Variants in INPP1 observed in about 807,000 individuals in gnomAD.
INPP1 encodes the protein inositol polyphosphate 1-phosphatase.
Under a neutral mutation model 23.0 loss-of-function variants are expected in INPP1, and 18 were observed. That is an observed-to-expected ratio of 0.78 (90% CI 0.54 to 1.16). The LOEUF (loss-of-function observed/expected upper bound fraction) is 1.16. Ranked by LOEUF, INPP1 falls within the 50% of genes most tolerant of loss-of-function variation. The pLI, the probability that INPP1 is intolerant of heterozygous loss-of-function variation, is 0.00. For synonymous variants in INPP1, 164 were observed against 176.3 expected (o/e 0.93, Z 0.55); for missense variants, 448 against 482.1 (o/e 0.93, Z 0.66).
At chr2:190,365,020 G>A (rs186322858) in intron 4 of INPP1, 6 of 164,948 alleles carry the variant, frequency 3.6e-5, no homozygotes, top group Non-Finnish European at 8.8e-5. Flanking sequence ...TATCTAAAAC[G>A]TTCCAAAGTG....
At chr2:190,361,475 G>A (rs1299264987) in intron 3 of INPP1, among the ~76,000 whole-genome samples, 3 of 152,074 alleles carry the variant, frequency 2.0e-5, no homozygotes, top group Non-Finnish European at 2.9e-5. Context: ...ATCTTGCTCC[G>A]ATAAACTAAA....
In INPP1 at chr2:190,366,684, CT is replaced by C; in HGVS notation, c.266-8del. The C allele has an allele frequency of 6.3e-7, 1 of 1,599,438 alleles. No homozygotes were observed. Among genetic ancestry groups the C allele is most frequent in the Non-Finnish European group, 8.6e-7 (1 of 1,166,794 alleles). ...TGAAATGTAATGGCTTATCGTGTGGCTTTACCCTAGGGGAAAAGATTACCTT... is the reference window on the plus strand; with the variant it reads ...TGAAATGTAATGGCTTATCGTGTGGCTTACCCTAGGGGAAAAGATTACCTT... On this transcript the variant is annotated splice_polypyrimidine_tract_variant and intron_variant, in intron 4 of 6. Transcript: ENST00000392329.
At chr2:190,365,621 C>T (rs983916634) in intron 4 of INPP1, among the ~76,000 whole-genome samples, 1 of 152,204 alleles carries the variant, frequency 6.6e-6, no homozygotes, top group African/African-American at 2.4e-5. Flanking sequence ...AAACCCATCT[C>T]TTACTATTCA....
In INPP1 at chr2:190,369,164, C is replaced by A. The variant is rs758567676; in HGVS notation, c.528C>A (p.Pro176=). 170 of 1,609,432 alleles carry A rather than the reference C, an allele frequency of 1.1e-4. 2 individuals carry two copies. Among genetic ancestry groups the A allele is most frequent in the South Asian group, 7.8e-4 (71 of 90,580 alleles). The part of the protein sequence containing the change: ...ADIKSNQGIF[P]CGLQCVTILI... ...TTAAATCCAACCAGGGAATCTTCCC[C>A]TGTGGACTTCAGTGTGTCACCATTT... The change falls in exon 6 of 7, where the codon CCC becomes CCA. Residue 176 remains proline (P), a synonymous_variant. Transcript: ENST00000392329.
Position 190,360,157 on chromosome 2 carries a change from G to T in INPP1, c.55G>T (p.Ala19Ser), listed in dbSNP as rs1689506494. The change falls in exon 3 of 7, where the codon GCC (alanine) becomes TCC (serine). Residue 19 changes from alanine (A) to serine (S), a missense_variant. Coordinates refer to ENST00000392329, the MANE Select transcript of INPP1 (RefSeq NM_001128928.2). ...TGTCTCTGAGAAGGCTGCTAACATT[G>T]CCCGGGCGTGCAGACAGCAGGAAGC... is the stretch of plus-strand genomic sequence containing the variant. ...LCVSEKAANIARACRQQEALF... is the reference protein window; with the variant it reads ...LCVSEKAANISRACRQQEALF... The T allele has an allele frequency of 1.2e-6, 2 of 1,613,958 alleles. No individual in the cohort carries two copies. Among genetic ancestry groups the T allele is most frequent in the Non-Finnish European group, 1.7e-6 (2 of 1,180,050 alleles).
intron 1 of INPP1, among the ~76,000 whole-genome samples, 193 bp from the exon 2 acceptor site, chr2:190,348,695 C>A (rs1012079470): frequency 2.0e-5 from 3 of 152,166 alleles, no homozygotes. Flanking sequence ...AAGTTTCATC[C>A]ATGTTGTAGC....
In INPP1 at chr2:190,368,109, C is replaced by T. The variant is rs1689720778; in HGVS notation, c.467-994C>T. On this transcript the variant is annotated intron_variant, in intron 5 of 6. Transcript: ENST00000392329. The surrounding 1 kb of genome is among the most constrained non-coding windows in gnomAD (Gnocchi z 4.3). ...TGATATATGGAAACTAAAAACCTTT[C>T]CCCAAATCTTTGATCATTTAAGGGT... Among the ~76,000 whole-genome samples the T allele has an allele frequency of 6.6e-6, 1 of 152,168 alleles. No individual in the cohort carries two copies. The highest frequency in any genetic ancestry group is 2.4e-5 in the African/African-American group (1 of 41,442).
At chr2:190,351,648 C>A (rs1480359401) in intron 2 of INPP1, among the ~76,000 whole-genome samples, 1 of 152,196 alleles carries the variant, frequency 6.6e-6, no homozygotes, top group Non-Finnish European at 1.5e-5. Context: ...TGTCGCAATT[C>A]ATTCATTTTC....
Position 190,352,879 on chromosome 2 carries a change from A to G in INPP1, c.-65+3848A>G, listed in dbSNP as rs1689348141. ...AGCTTGGCCTTTTCCACTAGCAGCA[A>G]TAGCTGTCAGGCAGGCCCACCACGC... On this transcript the variant is annotated intron_variant, in intron 2 of 6. Transcript: ENST00000392329. This position sits in a 1 kb window ranked among gnomAD's most constrained non-coding sequence, Gnocchi z 4.7. Among the ~76,000 whole-genome samples, 1 of 152,220 alleles carries G rather than the reference A, an allele frequency of 6.6e-6. No individual in the cohort carries two copies.
intron 6 of INPP1, among the ~76,000 whole-genome samples, 178 bp from the exon 7 acceptor site, chr2:190,370,666 T>C (rs976836758): frequency 2.0e-5 from 3 of 152,240 alleles, no homozygotes; most frequent in African/African-American, 7.2e-5. Flanking sequence ...GCTGCATGCA[T>C]ATAAGTAACT....
At chr2:190,350,612 G>C (rs1559079890) in intron 2 of INPP1, among the ~76,000 whole-genome samples, 1 of 152,134 alleles carries the variant, frequency 6.6e-6, no homozygotes, top group African/African-American at 2.4e-5. Context: ...GGCTAATGTG[G>C]TCCATTGGTA....
Position 190,362,851 on chromosome 2 carries a change from A to G in INPP1, c.265+164A>G, listed in dbSNP as rs16832648. On this transcript the variant is annotated intron_variant, in intron 4 of 6. Coordinates refer to ENST00000392329, the MANE Select transcript of INPP1 (RefSeq NM_001128928.2). ...AATTTCTACCTCAGAATATCATGCCATTTAACTTAAGTAGAGAGATGTGGT... is the reference window on the plus strand; with the variant it reads ...AATTTCTACCTCAGAATATCATGCCGTTTAACTTAAGTAGAGAGATGTGGT... 1,089 of 446,354 alleles carry G rather than the reference A, an allele frequency of 2.4e-3. 12 individuals are homozygous for G. The highest frequency in any genetic ancestry group is 0.021 in the African/African-American group (1,008 of 49,048). The allele number at this position is 446,354 out of a possible 1,614,324, so 27.6% of individuals were successfully genotyped here.
At position 190,353,530 on chromosome 2, in the gene INPP1, T is replaced by C. The variant is rs1689362235; in HGVS notation, c.-65+4499T>C. Among the ~76,000 whole-genome samples the C allele has an allele frequency of 2.0e-5, 3 of 152,254 alleles. No individual in the cohort carries two copies. In the South Asian group the frequency reaches 6.2e-4, roughly 31 times the overall value. ...TGACTGTGGTTTCTGTGAGGTTGTA[T>C]TTCAGAGTCATAGCTATCATTTATT... is the stretch of plus-strand genomic sequence containing the variant. On this transcript the variant is annotated intron_variant, in intron 2 of 6. Transcript: ENST00000392329.
intron 4 of INPP1, 89 bp downstream of exon 4, chr2:190,362,776 A>G (rs934966316): frequency 2.8e-5 from 22 of 786,480 alleles, no homozygotes; most frequent in Non-Finnish European, 3.8e-5. Flanking sequence ...AAATGTTTGG[A>G]AGCCACTTAC....
Position 190,356,482 on chromosome 2 carries a change from G to A in INPP1, c.-64-3557G>A, listed in dbSNP as rs1173660427. On this transcript the variant is annotated intron_variant, in intron 2 of 6. Transcript: ENST00000392329. The surrounding 1 kb of genome is among the most constrained non-coding windows in gnomAD (Gnocchi z 6.4). ...GTCAGGTGAGAGTGGTCATTATTGA[G>A]GAAATAAAGGTTGGGCCCAAAGAGG... The A allele has an allele frequency of 1.3e-5, 2 of 152,140 alleles. No homozygotes were observed. Among genetic ancestry groups the A allele is most frequent in the African/African-American group, 4.8e-5 (2 of 41,422 alleles). 9.4% of individuals were successfully genotyped at this position (152,140 alleles called of 1,614,324 possible).
At chr2:190,344,074 G>A (rs1689169342) in intron 1 of INPP1, 113 bp downstream of exon 1, 1 of 309,152 alleles carries the variant, frequency 3.2e-6, no homozygotes, top group Non-Finnish European at 6.7e-6. Context: ...CCTCTCCGCG[G>A]GTAGGTGAGT....
intron 5 of INPP1, 38 bp downstream of exon 5, chr2:190,366,933 C>CA: frequency 1.4e-6 from 2 of 1,415,684 alleles, no homozygotes; most frequent in Non-Finnish European, 2.0e-6. Context: ...TATTTGCAAT[C>CA]TTTTTTTTGG....
In INPP1 at chr2:190,360,293, A is replaced by G. The variant is rs1689511291; in HGVS notation, c.191A>G (p.Asn64Ser). 1 of 1,614,118 alleles carries G rather than the reference A, an allele frequency of 6.2e-7. No individual in the cohort carries two copies. The highest frequency in any genetic ancestry group is 2.2e-5 in the East Asian group (1 of 44,888). ...DVLVQEVIKQ[N>S]MENKFPGLEK... is the part of the protein sequence containing the mutation. ...CTGGTACAGGAAGTTATAAAACAGA[A>G]TATGGAGAACAAGGTAAGAAAGGTC... is the stretch of plus-strand genomic sequence containing the variant. Residue 64 changes from asparagine (N) to serine (S), a missense_variant, in exon 3 of 7, where the codon AAT becomes AGT. Physicochemically the swap from Asn to Ser is conservative, Grantham distance 46. Transcript: ENST00000392329.
chr2:190,366,624 G>A, intron 4 of INPP1, 71 bp from the exon 5 acceptor site: 1 of 1,062,504 alleles, frequency 9.4e-7, no homozygotes, highest in Non-Finnish European at 1.5e-6. Flanking sequence ...TCACTCTTTA[G>A]CTCTCTCTCT....
Sources: gnomAD v4.1 joint callset for allele counts (sites outside exome capture counted in the v4.1 genomes callset) on GRCh38, gnomAD v4.1.1 for gene constraint, Gnocchi (gnomAD v3.1) non-coding constraint, MANE v1.5 for transcripts, NCBI Gene and HGNC (gene_info 2026-07-23, HGNC 2026-07-21) for gene names.